ADGRB3: variants seen among roughly 807,000 people sequenced by gnomAD.
ADGRB3 encodes adhesion G protein-coupled receptor B3.
ADGRB3 carries 37 observed loss-of-function variants against 193.4 expected under a neutral mutation model. That is an observed-to-expected ratio of 0.19 (90% CI 0.15 to 0.25). The LOEUF is 0.25. ADGRB3 is among the 10% of genes least tolerant of loss of function. The pLI is 1.00. For missense variants in ADGRB3, 1,637 were observed against 1,852.9 expected (o/e 0.88, Z 2.14); for synonymous variants, 690 against 644.2 (o/e 1.07, Z -1.08).
intron 20 of ADGRB3, among the ~76,000 whole-genome samples, chr6:69,256,129 G>C (rs1361488702): frequency 6.6e-6 from 1 of 151,322 alleles, no homozygotes; most frequent in Non-Finnish European, 1.5e-5. Flanking sequence ...TTTGAAGTCA[G>C]GTAGCGTGAT....
chr6:68,847,001 A>G lies in ADGRB3; in HGVS notation c.758-83558A>G, dbSNP rs147066457. Among the ~76,000 whole-genome samples the G allele has an allele frequency of 6.6e-3, 998 of 152,276 alleles. 10 individuals are homozygous for G. Among genetic ancestry groups the G allele is most frequent in the Non-Finnish European group, 8.4e-3 (572 of 68,026 alleles). ...CACAAGGCTGGAGCTGCCCAAGACC[A>G]TGGGAACCCACCTCTTGCATCAGCA... is the stretch of plus-strand genomic sequence containing the variant. On this transcript the variant is annotated intron_variant, in intron 3 of 31. Transcript: ENST00000370598.
rs1413588645 is a variant in ADGRB3 at position 69,062,922 on chromosome 6, A to G, written c.2334-12A>G. 6 of 1,566,594 alleles carry G rather than the reference A, an allele frequency of 3.8e-6. No individual in the cohort carries two copies. The South Asian group carries it at 5.6e-5, about 15-fold the overall frequency. ...CTCATTTCTCCTTTTAATTATAATT[A>G]CTCTGTTGCAGAAATTATACTGTCA... On this transcript the variant is annotated splice_polypyrimidine_tract_variant and intron_variant, in intron 15 of 31. Transcript: ENST00000370598.
At chr6:68,812,677 T>A (rs1421290527) in intron 3 of ADGRB3, among the ~76,000 whole-genome samples, 1 of 152,154 alleles carries the variant, frequency 6.6e-6, no homozygotes, top group Non-Finnish European at 1.5e-5. Context: ...AGTTCTTTTT[T>A]TTTTCTTTTT....
intron 30 of ADGRB3, among the ~76,000 whole-genome samples, chr6:69,375,175 T>C (rs1320651895): frequency 6.6e-6 from 1 of 152,156 alleles, no homozygotes; most frequent in East Asian, 1.9e-4. Context: ...TGCTAAGCTT[T>C]TTCTATTGTA....
intron 13 of ADGRB3, among the ~76,000 whole-genome samples, chr6:69,043,292 GAAAGAAAGAA>G (rs978096431): frequency 1.7e-4 from 3 of 17,200 alleles, no homozygotes; most frequent in Admixed American, 1.1e-3. Flanking sequence ...AAGAAAGAGA[GAAAGAAAGAA>G]AGAAAGAAAG....
intron 20 of ADGRB3, among the ~76,000 whole-genome samples, chr6:69,248,510 A>G (rs1465246204): frequency 2.0e-5 from 3 of 152,224 alleles, no homozygotes; most frequent in Non-Finnish European, 4.4e-5. Flanking sequence ...TCTCAGTACG[A>G]CATTGGAATG....
intron 15 of ADGRB3, 112 bp from the exon 16 acceptor site, chr6:69,062,822 T>C (rs1771787153): frequency 5.7e-6 from 4 of 701,764 alleles, no homozygotes; most frequent in Non-Finnish European, 9.5e-6. Context: ...CTACGATTTA[T>C]GTTTTTGCTT....
intron 3 of ADGRB3, among the ~76,000 whole-genome samples, chr6:68,731,507 G>A (rs928546315): frequency 9.2e-5 from 14 of 151,526 alleles, no homozygotes; most frequent in Non-Finnish European, 1.8e-4. Context: ...TTATTTAAAA[G>A]TTTGACATTT....
At chr6:68,906,361 T>C (rs1766549125) in intron 3 of ADGRB3, among the ~76,000 whole-genome samples, 1 of 151,786 alleles carries the variant, frequency 6.6e-6, no homozygotes, top group African/African-American at 2.4e-5. Flanking sequence ...ACCATGTATA[T>C]TGAAGGTATA....
At chr6:69,198,192 T>G (rs73467797) in intron 17 of ADGRB3, among the ~76,000 whole-genome samples, 3,144 of 152,132 alleles carry the variant, frequency 0.021, 112 homozygotes, top group African/African-American at 0.067. Context: ...AAATATAAGT[T>G]CTGTGAGAGC....
intron 28 of ADGRB3, among the ~76,000 whole-genome samples, chr6:69,357,671 T>C (rs1447073890): frequency 1.3e-5 from 2 of 151,926 alleles, no homozygotes; most frequent in African/African-American, 4.8e-5. Context: ...ACTAATCTCA[T>C]ATTCTCATTC....
chr6:69,039,728 A>G (rs188821845), intron 13 of ADGRB3, among the ~76,000 whole-genome samples: 9 of 150,486 alleles, frequency 6.0e-5, no homozygotes, highest in East Asian at 5.8e-4. Flanking sequence ...GGAAGATTAC[A>G]TAATTGTTTT....
intron 3 of ADGRB3, among the ~76,000 whole-genome samples, chr6:68,699,880 C>G (rs1468338137): frequency 6.6e-6 from 1 of 152,026 alleles, no homozygotes; most frequent in Admixed American, 6.6e-5. Flanking sequence ...GGGATTCAAG[C>G]AAAGGGCAGT....
intron 13 of ADGRB3, among the ~76,000 whole-genome samples, chr6:69,031,553 T>C (rs12208552): frequency 0.01 from 1,115 of 108,232 alleles, 97 homozygotes; most frequent in Middle Eastern, 0.015. Context: ...TTCTTTCTTT[T>C]TCTTTCTTTC....
At chr6:68,654,226 G>A (rs1768440215) in intron 3 of ADGRB3, among the ~76,000 whole-genome samples, 1 of 151,954 alleles carries the variant, frequency 6.6e-6, no homozygotes, top group Non-Finnish European at 1.5e-5. Flanking sequence ...AGGCGGGAGA[G>A]GAAAAGTAGG....
chr6:68,809,600 T>G (rs1767471820), intron 3 of ADGRB3, among the ~76,000 whole-genome samples: 1 of 152,194 alleles, frequency 6.6e-6, no homozygotes, highest in South Asian at 2.1e-4. Flanking sequence ...TAAATAAGAT[T>G]TTTGTCTAGT....
intron 3 of ADGRB3, among the ~76,000 whole-genome samples, chr6:68,900,801 A>G (rs964100394): frequency 6.6e-6 from 1 of 152,154 alleles, no homozygotes; most frequent in African/African-American, 2.4e-5. Flanking sequence ...AACCATTTCC[A>G]TCATAGAAGG....
At chr6:68,863,681 T>C (rs1765217196) in intron 3 of ADGRB3, among the ~76,000 whole-genome samples, 1 of 152,116 alleles carries the variant, frequency 6.6e-6, no homozygotes, top group Non-Finnish European at 1.5e-5. Flanking sequence ...AATTAAACTC[T>C]CAGCTTTTAG....
At chr6:68,770,949 G>A (rs1263705385) in intron 3 of ADGRB3, among the ~76,000 whole-genome samples, 1 of 151,992 alleles carries the variant, frequency 6.6e-6, no homozygotes. Context: ...TAGTATCTCT[G>A]AGCTGCCTCT....
Sources: gnomAD v4.1 joint callset for allele counts (sites outside exome capture counted in the v4.1 genomes callset) on GRCh38, gnomAD v4.1.1 for gene constraint, MANE v1.5 for transcripts, NCBI Gene and HGNC (gene_info 2026-07-23, HGNC 2026-07-21) for gene names.